The following SPON1 variants were observed in gnomAD, a reference collection of about 807,000 sequenced individuals.
SPON1 encodes the protein spondin 1, also known as spondin-1.
A neutral mutation model predicts 111.7 loss-of-function variants in SPON1; 52 were observed. The observed-to-expected ratio is 0.47, with a 90% CI of 0.37 to 0.59. SPON1 has a LOEUF of 0.59. Among genes scored for constraint, SPON1 ranks in the 20% least tolerant of loss-of-function variants. The pLI, the probability that SPON1 is intolerant of heterozygous loss-of-function variation, is 0.00. For missense variants in SPON1, 957 were observed against 1,068.5 expected, an observed-to-expected ratio of 0.90 and a Z score of 1.46; for synonymous variants, 410 against 395.8, an observed-to-expected ratio of 1.04 and a Z score of -0.43.
chr11:13,970,382 G>T (rs1848053187), intron 1 of SPON1, among the ~76,000 whole-genome samples: 1 of 152,194 alleles, frequency 6.6e-6, no homozygotes, highest in Non-Finnish European at 1.5e-5. Flanking sequence ...TTTTCTTGAG[G>T]CTAGGAGACC....
rs138121693 is a variant in SPON1 at position 14,037,251 on chromosome 11, G to C, written c.346-4270G>C. Among the ~76,000 whole-genome samples, 432 of 152,238 alleles carry C rather than the reference G, an allele frequency of 2.8e-3. 3 individuals carry two copies. Among genetic ancestry groups the C allele is most frequent in the African/African-American group, 9.8e-3 (409 of 41,538 alleles). ...TTTTTAATGGGAGAGATTTGAATGT[G>C]CTTAAAAGACAATGACAACAATTCA... On this transcript the variant is annotated intron_variant, in intron 2 of 15. Transcript: ENST00000576479.
At chr11:13,967,645 G>C (rs1359559015) in intron 1 of SPON1, among the ~76,000 whole-genome samples, 1 of 152,020 alleles carries the variant, frequency 6.6e-6, no homozygotes, top group Non-Finnish European at 1.5e-5. Context: ...ACATATTTAG[G>C]CTCTAAGAAA....
intron 8 of SPON1, among the ~76,000 whole-genome samples, chr11:14,255,332 C>T (rs1384118970): frequency 6.6e-6 from 1 of 152,182 alleles, no homozygotes; most frequent in Non-Finnish European, 1.5e-5. Flanking sequence ...AAAAGTTTTC[C>T]AATGCCGGGT....
chr11:14,210,524 G>A (rs953156588), intron 6 of SPON1, among the ~76,000 whole-genome samples: 23 of 151,780 alleles, frequency 1.5e-4, no homozygotes, highest in African/African-American at 4.4e-4. Flanking sequence ...TCAGCCTCCC[G>A]AGTAGCTGGG....
intron 15 of SPON1, 89 bp downstream of exon 15, chr11:14,263,064 A>G (rs1849208778): frequency 2.4e-5 from 34 of 1,392,852 alleles, no homozygotes; most frequent in Non-Finnish European, 3.1e-5. Flanking sequence ...AAAAAAAAAA[A>G]AAAAAAAAAA....
rs185478099 is a variant in SPON1, at chr11:13,997,927, G to A, written c.345+14974G>A. Among the ~76,000 whole-genome samples the A allele has an allele frequency of 1.4e-3, 211 of 151,990 alleles. 1 individual carries two copies. The highest frequency in any genetic ancestry group is 4.8e-3 in the African/African-American group (198 of 41,400). ...CGCACCAGAGGTATGAATGGATAGCGGAAACCACACTAGATACTATTCTAG... is the reference window on the plus strand; with the variant it reads ...CGCACCAGAGGTATGAATGGATAGCAGAAACCACACTAGATACTATTCTAG... On this transcript the variant is annotated intron_variant, in intron 2 of 15. Transcript: ENST00000576479.
chr11:14,010,693 T>C (rs1463710868), intron 2 of SPON1, among the ~76,000 whole-genome samples: 1 of 152,224 alleles, frequency 6.6e-6, no homozygotes, highest in African/African-American at 2.4e-5. Context: ...TGGCATCTTT[T>C]TACAGCAACC....
At chr11:14,028,658 T>C (rs1554915641) in intron 2 of SPON1, among the ~76,000 whole-genome samples, 2 of 152,126 alleles carry the variant, frequency 1.3e-5, no homozygotes, top group African/African-American at 2.4e-5. Context: ...ATTCTCTGAT[T>C]GTCACTTCAA....
At chr11:14,151,009 G>A (rs558743030) in intron 6 of SPON1, among the ~76,000 whole-genome samples, 2 of 152,326 alleles carry the variant, frequency 1.3e-5, no homozygotes, top group Non-Finnish European at 2.9e-5. Context: ...GATCATGTTA[G>A]GAAGGCAGCC....
rs562091372 is a variant in SPON1, at chr11:14,089,767, G to A, written c.676+9746G>A. ...GGGCCCACAGCCACCCCTTCCCTGA[G>A]GTGATCTGTCTCAGGGAGAGGGGAG... On this transcript the variant is annotated intron_variant, in intron 5 of 15. Coordinates refer to ENST00000576479, the MANE Select transcript of SPON1 (RefSeq NM_006108.4). Among the ~76,000 whole-genome samples the A allele has an allele frequency of 1.8e-4, 28 of 152,290 alleles. No individual in the cohort carries two copies. The South Asian group carries it at 5.8e-3, about 32-fold the overall frequency.
chr11:14,090,813 T>A, intron 5 of SPON1, among the ~76,000 whole-genome samples: 1 of 139,270 alleles, frequency 7.2e-6, no homozygotes, highest in Non-Finnish European at 1.5e-5. Flanking sequence ...CTGCTTTTAT[T>A]CTCTTATCTG....
intron 6 of SPON1, among the ~76,000 whole-genome samples, chr11:14,158,810 G>A (rs10832212): frequency 0.39 from 59,651 of 151,900 alleles, 11,967 homozygotes; most frequent in East Asian, 0.55. Context: ...GGTGAAACTA[G>A]TATCTCTTCT....
At chr11:14,224,713 T>A in intron 6 of SPON1, 1 of 491,156 alleles carries the variant, frequency 2.0e-6, no homozygotes, top group East Asian at 5.7e-5. Flanking sequence ...AGGATGGTGG[T>A]GGCTGGCATA....
chr11:14,151,252 T>C (rs1847784698), intron 6 of SPON1, among the ~76,000 whole-genome samples: 1 of 152,190 alleles, frequency 6.6e-6, no homozygotes, highest in African/African-American at 2.4e-5. Context: ...AAACAAGTTC[T>C]TGTAGCCCAT....
intron 7 of SPON1, among the ~76,000 whole-genome samples, chr11:14,253,498 G>A (rs1175644988): frequency 6.6e-6 from 1 of 152,222 alleles, no homozygotes; most frequent in Non-Finnish European, 1.5e-5. Context: ...AGCCCAAGGG[G>A]CCCAGTTCCC....
At chr11:14,036,252 T>C (rs959737877) in intron 2 of SPON1, among the ~76,000 whole-genome samples, 1 of 152,202 alleles carries the variant, frequency 6.6e-6, no homozygotes, top group Non-Finnish European at 1.5e-5. Context: ...GCAGTATAGA[T>C]AACAAATTGG....
At chr11:14,091,460 C>T (rs908506244) in intron 5 of SPON1, among the ~76,000 whole-genome samples, 1 of 152,208 alleles carries the variant, frequency 6.6e-6, no homozygotes, top group Non-Finnish European at 1.5e-5. Context: ...CTGCAGGTCC[C>T]GAGCCCTGCC....
chr11:13,983,029 A>G (rs1848156437), intron 2 of SPON1, 76 bp downstream of exon 2: 1 of 1,023,314 alleles, frequency 9.8e-7, no homozygotes, highest in African/African-American at 1.6e-5. Context: ...CAAGTGTCTC[A>G]GGTGGCTTCC....
chr11:13,969,803 C>T (rs1188310591), intron 1 of SPON1, among the ~76,000 whole-genome samples: 6 of 152,176 alleles, frequency 3.9e-5, no homozygotes, highest in Admixed American at 6.5e-5. Context: ...GGAATAGAAA[C>T]GAATTGGCAT....
Sources: allele counts gnomAD v4.1 joint callset (sites outside exome capture counted in the v4.1 genomes callset), GRCh38; gene constraint gnomAD v4.1.1; transcripts MANE v1.5; gene names NCBI Gene and HGNC (gene_info 2026-07-23, HGNC 2026-07-21).